The following SERPINE2 variants were observed in gnomAD, a reference collection of about 807,000 sequenced individuals.
SERPINE2 encodes the protein serpin family E member 2.
SERPINE2 carries 14 observed loss-of-function variants against 36.3 expected under a neutral mutation model. That is an observed-to-expected ratio of 0.39 (90% confidence interval 0.25 to 0.60). SERPINE2 has a LOEUF of 0.60. SERPINE2 is among the 20% of genes least tolerant of loss of function. The pLI is 0.57. For synonymous variants in SERPINE2, 192 were observed against 191.8 expected, an observed-to-expected ratio of 1.00 and a Z score of -0.01; for missense variants, 418 against 499.6, an observed-to-expected ratio of 0.84 and a Z score of 1.56.
intron 1 of SERPINE2, chr2:224,031,443 G>A: frequency 8.1e-6 from 8 of 985,606 alleles, no homozygotes; most frequent in South Asian, 4.7e-5. Context: ...CAGGCAGCAC[G>A]GTCCTCTCCA....
intron 5 of SERPINE2, among the ~76,000 whole-genome samples, chr2:223,983,774 G>C (rs1690321572): frequency 6.8e-6 from 1 of 146,516 alleles, no homozygotes; most frequent in Non-Finnish European, 1.5e-5. Flanking sequence ...GTAAATGTCA[G>C]TTACTGTCAT....
intron 4 of SERPINE2, among the ~76,000 whole-genome samples, chr2:223,991,554 G>A (rs184173518): frequency 3.9e-4 from 60 of 152,206 alleles, no homozygotes; most frequent in Admixed American, 2.3e-3. Context: ...TACTACACAC[G>A]CCATGCATTA....
At chr2:223,989,216 G>A (rs983756990) in intron 4 of SERPINE2, among the ~76,000 whole-genome samples, 25 of 152,226 alleles carry the variant, frequency 1.6e-4, no homozygotes, top group Non-Finnish European at 5.9e-5. Context: ...GCATAAATCA[G>A]AAGGGTTTTC....
At chr2:223,982,386 C>T (rs780330352) in intron 6 of SERPINE2, 13 of 258,576 alleles carry the variant, frequency 5.0e-5, no homozygotes, top group Non-Finnish European at 8.2e-5. Flanking sequence ...GTATACTACT[C>T]GGGGGAGGGG....
intron 1 of SERPINE2, among the ~76,000 whole-genome samples, chr2:224,017,809 GT>G (rs1691849387): frequency 6.6e-6 from 1 of 152,190 alleles, no homozygotes; most frequent in Non-Finnish European, 1.5e-5. Context: ...GGCCTCTGCT[GT>G]TACCCCATTT....
rs114757404 is a variant in SERPINE2, at chr2:224,005,763, G to T, written c.-22-3841C>A. On this transcript the variant is annotated intron_variant, in intron 1 of 8. Transcript: ENST00000409304. ...ACTTTCAAATCAGAGAGAAATAAGA[G>T]TGCTGCCCAAATGTACTGCATAGCA... Among the ~76,000 whole-genome samples, 1,419 of 152,274 alleles carry T rather than the reference G, an allele frequency of 9.3e-3. 18 individuals are homozygous for T. The highest frequency in any genetic ancestry group is 0.032 in the African/African-American group (1,316 of 41,538).
chr2:224,036,536 G>A (rs912754771), intron 1 of SERPINE2, among the ~76,000 whole-genome samples: 1 of 151,402 alleles, frequency 6.6e-6, no homozygotes, highest in Non-Finnish European at 1.5e-5. Flanking sequence ...TACCTAATGT[G>A]ATGGGTTGAT....
chr2:224,031,568 C>A, intron 1 of SERPINE2: 1 of 911,578 alleles, frequency 1.1e-6, no homozygotes, highest in Non-Finnish European at 1.3e-6. Flanking sequence ...ACCACGTGAC[C>A]TAGCATCAGC....
intron 1 of SERPINE2, chr2:224,030,571 C>A (rs1692330038): frequency 6.6e-6 from 1 of 152,370 alleles, no homozygotes; most frequent in African/African-American, 2.4e-5. Flanking sequence ...AGAAATTTGG[C>A]TTTGGCTCAT....
chr2:224,029,175 G>C (rs925628959), intron 1 of SERPINE2, among the ~76,000 whole-genome samples: 2 of 152,152 alleles, frequency 1.3e-5, no homozygotes, highest in African/African-American at 4.8e-5. Flanking sequence ...CACAGGTTTG[G>C]CATAAGATAA....
At chr2:224,034,434 A>G (rs1692472004) in intron 1 of SERPINE2, among the ~76,000 whole-genome samples, 1 of 152,140 alleles carries the variant, frequency 6.6e-6, no homozygotes, top group Non-Finnish European at 1.5e-5. Context: ...CGGGAGGTTC[A>G]GTTTTGCAAG....
Position 224,014,369 on chromosome 2 carries a change from G to C in SERPINE2, c.-22-12447C>G, listed in dbSNP as rs537715579. On this transcript the variant is annotated intron_variant, in intron 1 of 8. Coordinates refer to ENST00000409304, the MANE Select transcript of SERPINE2 (RefSeq NM_001136528.2). ...CAGCCTGAGCAACAATCAAGACACT[G>C]TCTCAAAAAAAAAGAAAAAGAAAAA... 2.0e-5 allele frequency among the ~76,000 whole-genome samples: 3 copies of C among 151,536 alleles called. 1 individual carries two copies. Among genetic ancestry groups the C allele is most frequent in the African/African-American group, 4.8e-5 (2 of 41,238 alleles).
At position 223,975,763 on chromosome 2, in the gene SERPINE2, A is replaced by G; in HGVS notation, c.*104T>C. 1 of 918,800 alleles carries G rather than the reference A, an allele frequency of 1.1e-6. No individual in the cohort carries two copies. Among genetic ancestry groups the G allele is most frequent in the East Asian group, 2.5e-5 (1 of 39,598 alleles). The allele number at this position is 918,800 out of a possible 1,614,324, so 56.9% of individuals were successfully genotyped here. A position where few individuals can be genotyped will look rare whatever the true frequency, so the allele number is the denominator to read the frequency against. ...TCCTAAGAACTAGTTTTGAAAAAGAAGCGATGTACAAAAATATTTAACAGA... is the reference window on the plus strand; with the variant it reads ...TCCTAAGAACTAGTTTTGAAAAAGAGGCGATGTACAAAAATATTTAACAGA... On this transcript the variant is annotated 3_prime_UTR_variant, in exon 9 of 9. Coordinates refer to ENST00000409304, the MANE Select transcript of SERPINE2 (RefSeq NM_001136528.2).
At position 223,988,469 on chromosome 2, in the gene SERPINE2, G is replaced by A. The variant is rs143549707; in HGVS notation, c.685+3334C>T. On this transcript the variant is annotated intron_variant, in intron 4 of 8. Transcript: ENST00000409304. The stretch of plus-strand genomic sequence containing the variant: ...TTACAGGTGTGTGCCATGGTGCCTT[G>A]GCATAAATGAGTTTCATCTATGCAA... Among the ~76,000 whole-genome samples the A allele has an allele frequency of 2.1e-4, 32 of 152,174 alleles. No individual in the cohort carries two copies. The East Asian group carries it at 6.0e-3, about 29-fold the overall frequency.
chr2:224,016,949 T>C (rs1359523970), intron 1 of SERPINE2, among the ~76,000 whole-genome samples: 1 of 152,158 alleles, frequency 6.6e-6, no homozygotes, highest in Non-Finnish European at 1.5e-5. Context: ...AATAGATCAG[T>C]AGTCACCAGA....
chr2:223,982,474 G>T (rs1192384977), intron 6 of SERPINE2: 7 of 444,932 alleles, frequency 1.6e-5, no homozygotes, highest in Non-Finnish European at 2.8e-5. Context: ...AAAAACTATT[G>T]AAATAAAAAG....
At chr2:224,004,145 T>G (rs1691300681) in intron 1 of SERPINE2, among the ~76,000 whole-genome samples, 1 of 152,102 alleles carries the variant, frequency 6.6e-6, no homozygotes, top group Admixed American at 6.5e-5. Flanking sequence ...GTTTATGGAG[T>G]GTGGCTAAGA....
At chr2:224,007,422 C>A (rs1199339074) in intron 1 of SERPINE2, among the ~76,000 whole-genome samples, 1 of 152,184 alleles carries the variant, frequency 6.6e-6, no homozygotes, top group Non-Finnish European at 1.5e-5. Context: ...TACTCCCCCC[C>A]ATACTCAACA....
At chr2:224,017,491 T>C (rs970755448) in intron 1 of SERPINE2, among the ~76,000 whole-genome samples, 5 of 152,200 alleles carry the variant, frequency 3.3e-5, no homozygotes, top group Non-Finnish European at 4.4e-5. Context: ...GCTTGCATAA[T>C]TGTACATTCT....
Sources: gnomAD v4.1 joint callset for allele counts (sites outside exome capture counted in the v4.1 genomes callset) on GRCh38, gnomAD v4.1.1 for gene constraint, MANE v1.5 for transcripts, NCBI Gene and HGNC (gene_info 2026-07-23, HGNC 2026-07-21) for gene names.